PIP4P2: variants seen among roughly 807,000 people sequenced by gnomAD.
PIP4P2 encodes type 2 phosphatidylinositol 4,5-bisphosphate 4-phosphatase.
In PIP4P2, 19 loss-of-function variants were observed where a neutral mutation model predicts 33.3. That is an observed-to-expected ratio of 0.57 (90% confidence interval 0.40 to 0.84). The LOEUF (loss-of-function observed/expected upper bound fraction) is 0.84. Ranked by LOEUF, PIP4P2 falls within the 40% of genes least tolerant of loss-of-function variation. PIP4P2 has a pLI of 0.00. For synonymous variants in PIP4P2, 110 were observed against 111.9 expected (o/e 0.98, Z 0.11); for missense variants, 270 against 324.7 (o/e 0.83, Z 1.29).
intron 1 of PIP4P2, among the ~76,000 whole-genome samples, chr8:91,030,121 T>C (rs1812142747): frequency 2.0e-5 from 3 of 148,974 alleles, no homozygotes; most frequent in Non-Finnish European, 4.4e-5. Flanking sequence ...ATTTTAAGAA[T>C]CCCTTTCCTA....
chr8:90,997,522 C>T (rs1451127697), intron 5 of PIP4P2, among the ~76,000 whole-genome samples: 1 of 152,102 alleles, frequency 6.6e-6, no homozygotes, highest in Non-Finnish European at 1.5e-5. Context: ...AAGCCCTCTA[C>T]TGTGCTACTC....
chr8:91,023,092 CA>C (rs1812034233), intron 1 of PIP4P2, among the ~76,000 whole-genome samples: 1 of 151,946 alleles, frequency 6.6e-6, no homozygotes, highest in Non-Finnish European at 1.5e-5. Flanking sequence ...TTGCAATTTG[CA>C]GATTACTTTG....
intron 2 of PIP4P2, 110 bp from the exon 3 acceptor site, chr8:91,020,373 G>A: frequency 1.1e-6 from 1 of 949,532 alleles, no homozygotes; most frequent in East Asian, 2.5e-5. Context: ...GAAATATATT[G>A]CTTTTGTAAC....
intron 5 of PIP4P2, among the ~76,000 whole-genome samples, chr8:91,004,013 G>GATA (rs1444442094): frequency 1.4e-5 from 2 of 140,008 alleles, no homozygotes; most frequent in African/African-American, 5.3e-5. Context: ...ATAGATAGAT[G>GATA]AAATAGATAA....
intron 5 of PIP4P2, among the ~76,000 whole-genome samples, chr8:91,001,784 T>C (rs946697044): frequency 6.6e-6 from 1 of 152,058 alleles, no homozygotes; most frequent in African/African-American, 2.4e-5. Flanking sequence ...ACTAGTAACT[T>C]TTGTTGAAAA....
At chr8:91,037,537 G>GC (rs1268187776) in intron 1 of PIP4P2, among the ~76,000 whole-genome samples, 1 of 152,042 alleles carries the variant, frequency 6.6e-6, no homozygotes, top group Non-Finnish European at 1.5e-5. Context: ...ATTGCATTTT[G>GC]CATCTGTTTG....
At chr8:91,005,696 C>A (rs1453775137) in intron 5 of PIP4P2, among the ~76,000 whole-genome samples, 2 of 152,028 alleles carry the variant, frequency 1.3e-5, no homozygotes, top group Non-Finnish European at 2.9e-5. Flanking sequence ...TGAGAATAAG[C>A]CCACTATTGT....
chr8:91,016,291 A>G (rs566337288), intron 4 of PIP4P2, among the ~76,000 whole-genome samples: 1 of 152,286 alleles, frequency 6.6e-6, no homozygotes, highest in Admixed American at 6.5e-5. Context: ...AATAATATGA[A>G]AAAACAAAAT....
intron 1 of PIP4P2, among the ~76,000 whole-genome samples, chr8:91,036,123 G>A (rs1432610302): frequency 1.3e-5 from 2 of 152,044 alleles, no homozygotes; most frequent in Non-Finnish European, 2.9e-5. Context: ...AGGGCCCTGG[G>A]AAGTTCTGAA....
At chr8:90,999,645 G>A (rs1227050262) in intron 5 of PIP4P2, among the ~76,000 whole-genome samples, 1 of 152,000 alleles carries the variant, frequency 6.6e-6, no homozygotes, top group Admixed American at 6.6e-5. Context: ...AAATTCAGAG[G>A]TCTACTAATA....
intron 5 of PIP4P2, among the ~76,000 whole-genome samples, chr8:91,001,312 A>G (rs1224607255): frequency 6.6e-6 from 1 of 152,060 alleles, no homozygotes; most frequent in African/African-American, 2.4e-5. Context: ...AGGTTCATGT[A>G]TCTATTGCCA....
intron 1 of PIP4P2, among the ~76,000 whole-genome samples, chr8:91,032,054 G>A (rs1348105616): frequency 6.6e-6 from 1 of 152,226 alleles, no homozygotes; most frequent in Non-Finnish European, 1.5e-5. Context: ...GAGGCCCTGA[G>A]ATGTAAAGTA....
At chr8:90,996,256 T>C (rs1340394416) in intron 6 of PIP4P2, among the ~76,000 whole-genome samples, 2 of 152,158 alleles carry the variant, frequency 1.3e-5, no homozygotes, top group Non-Finnish European at 2.9e-5. Context: ...ATATTGGTAA[T>C]AAATCTCTGC....
At chr8:91,001,584 C>A (rs1214153879) in intron 5 of PIP4P2, among the ~76,000 whole-genome samples, 1 of 151,922 alleles carries the variant, frequency 6.6e-6, no homozygotes, top group African/African-American at 2.4e-5. Context: ...CTCACATATA[C>A]ATTTCTGTGA....
Position 90,998,715 on chromosome 8 carries a change from A to T in PIP4P2, c.540-1971T>A, listed in dbSNP as rs148842019. Among the ~76,000 whole-genome samples, 260 of 152,248 alleles carry T rather than the reference A, an allele frequency of 1.7e-3. 1 individual carries two copies. The highest frequency in any genetic ancestry group is 6.1e-3 in the African/African-American group (253 of 41,566). On this transcript the variant is annotated intron_variant, in intron 5 of 6. Transcript: ENST00000285419. ...CTGGAATAACTGGCTAGCCATATGC[A>T]GAACATTGAAACTGGACTCCTTCCT...
intron 5 of PIP4P2, among the ~76,000 whole-genome samples, chr8:91,003,203 A>G (rs1811722851): frequency 6.6e-6 from 1 of 152,232 alleles, no homozygotes; most frequent in Non-Finnish European, 1.5e-5. Flanking sequence ...TTGATGCCAG[A>G]GAATCTAAAA....
At chr8:91,025,685 A>G (rs892473245) in intron 1 of PIP4P2, among the ~76,000 whole-genome samples, 1 of 152,204 alleles carries the variant, frequency 6.6e-6, no homozygotes, top group Non-Finnish European at 1.5e-5. Context: ...AATGAGAGAT[A>G]TTTTACGATT....
At chr8:91,032,443 A>G (rs1005214493) in intron 1 of PIP4P2, among the ~76,000 whole-genome samples, 4 of 152,180 alleles carry the variant, frequency 2.6e-5, no homozygotes, top group African/African-American at 9.7e-5. Flanking sequence ...AGGAGCTACT[A>G]TGGAATGCCA....
At chr8:91,024,205 G>GT in intron 1 of PIP4P2, 1 of 285,842 alleles carries the variant, frequency 3.5e-6, no homozygotes, top group South Asian at 3.2e-5. Context: ...TCATTTCAAT[G>GT]TTCTATCCAT....
Sources: allele counts gnomAD v4.1 joint callset (sites outside exome capture counted in the v4.1 genomes callset), GRCh38; gene constraint gnomAD v4.1.1; transcripts MANE v1.5; gene names NCBI Gene and HGNC (gene_info 2026-07-23, HGNC 2026-07-21).